Variants in RAPGEF2 observed in about 807,000 individuals in gnomAD.
RAPGEF2 encodes the protein PDZ domain containing guanine nucleotide exchange factor (GEF) 1.
RAPGEF2 carries 54 observed loss-of-function variants against 186.7 expected under a neutral mutation model. The ratio of observed to expected loss-of-function variants is 0.29; its 90% CI spans 0.23 to 0.36. RAPGEF2 has a LOEUF of 0.36. Among genes scored for constraint, RAPGEF2 ranks in the 10% least tolerant of loss-of-function variants. The pLI, the probability that RAPGEF2 is intolerant of heterozygous loss-of-function variation, is 1.00. For synonymous variants in RAPGEF2, 712 were observed against 705.9 expected (o/e 1.01, Z -0.14); for missense variants, 1,532 against 2,045.0 (o/e 0.75, Z 4.84).
intron 7 of RAPGEF2, among the ~76,000 whole-genome samples, chr4:159,257,588 A>G (rs1483929479): frequency 2.0e-5 from 3 of 152,206 alleles, no homozygotes; most frequent in Admixed American, 6.5e-5. Flanking sequence ...TCTTTAATCT[A>G]TCTTGAGTTA....
At chr4:159,208,883 C>T (rs1365896599) in intron 3 of RAPGEF2, among the ~76,000 whole-genome samples, 1 of 150,622 alleles carries the variant, frequency 6.6e-6, no homozygotes, top group Non-Finnish European at 1.5e-5. Flanking sequence ...AAAAAGAAAT[C>T]TCACAATTTT....
At chr4:159,178,137 A>T (rs1415471148) in intron 1 of RAPGEF2, among the ~76,000 whole-genome samples, 1 of 152,218 alleles carries the variant, frequency 6.6e-6, no homozygotes, top group Admixed American at 6.5e-5. Flanking sequence ...TTAAATATGT[A>T]GGTTCATATA....
At chr4:159,138,903 C>T (rs906907778) in intron 1 of RAPGEF2, among the ~76,000 whole-genome samples, 9 of 152,088 alleles carry the variant, frequency 5.9e-5, no homozygotes, top group East Asian at 1.9e-4. Context: ...TTAACTACCA[C>T]GTGAAGGAAA....
At chr4:159,242,985 A>G (rs1754186231) in intron 6 of RAPGEF2, among the ~76,000 whole-genome samples, 1 of 151,862 alleles carries the variant, frequency 6.6e-6, no homozygotes, top group African/African-American at 2.4e-5. Context: ...TGGGTGGGCC[A>G]TTTAATAACT....
chr4:159,305,147 G>T (rs941717659), intron 8 of RAPGEF2, among the ~76,000 whole-genome samples: 1 of 152,152 alleles, frequency 6.6e-6, no homozygotes, highest in African/African-American at 2.4e-5. Flanking sequence ...ACATACAGGT[G>T]CAGGTATCTT....
chr4:159,148,271 C>A (rs1382477681), intron 1 of RAPGEF2, among the ~76,000 whole-genome samples: 1 of 152,068 alleles, frequency 6.6e-6, no homozygotes, highest in Admixed American at 6.5e-5. Flanking sequence ...GTTTTATTGA[C>A]CCTGAGTGCC....
At chr4:159,116,025 G>C (rs528265181) in intron 1 of RAPGEF2, among the ~76,000 whole-genome samples, 3 of 152,086 alleles carry the variant, frequency 2.0e-5, no homozygotes, top group East Asian at 1.9e-4. Context: ...ACATAGGCAC[G>C]GGCAAAGATT....
intron 1 of RAPGEF2, among the ~76,000 whole-genome samples, chr4:159,146,032 C>CT (rs796872300): frequency 0.011 from 1,595 of 150,084 alleles, 27 homozygotes; most frequent in African/African-American, 0.035. Flanking sequence ...GTAACAGTAT[C>CT]TTTTTTTTTT....
At chr4:159,291,436 C>T (rs1761200729) in intron 7 of RAPGEF2, among the ~76,000 whole-genome samples, 1 of 152,186 alleles carries the variant, frequency 6.6e-6, no homozygotes, top group African/African-American at 2.4e-5. Flanking sequence ...GCTGGGACTA[C>T]AGACGTGTGT....
At chr4:159,177,335 T>C (rs1446448091) in intron 1 of RAPGEF2, among the ~76,000 whole-genome samples, 1 of 152,358 alleles carries the variant, frequency 6.6e-6, no homozygotes, top group African/African-American at 2.4e-5. Flanking sequence ...TTACTTGTGC[T>C]TTTATTCAGA....
chr4:159,129,374 G>A (rs1350495788), intron 1 of RAPGEF2, among the ~76,000 whole-genome samples: 3 of 152,260 alleles, frequency 2.0e-5, no homozygotes, highest in South Asian at 2.1e-4. Flanking sequence ...AATGCTTACA[G>A]TTATGGTGTC....
chr4:159,221,012 G>T (rs972768898), intron 4 of RAPGEF2, among the ~76,000 whole-genome samples: 1 of 152,206 alleles, frequency 6.6e-6, no homozygotes, highest in Non-Finnish European at 1.5e-5. Context: ...GTAATGGAAG[G>T]AGGAGTCTGG....
intron 7 of RAPGEF2, among the ~76,000 whole-genome samples, chr4:159,302,459 C>G (rs968162157): frequency 4.6e-5 from 7 of 152,276 alleles, no homozygotes; most frequent in African/African-American, 1.7e-4. Flanking sequence ...TTTAACATCT[C>G]TAAGCCATAG....
chr4:159,110,642 A>T (rs1738395448), intron 1 of RAPGEF2, among the ~76,000 whole-genome samples: 1 of 152,202 alleles, frequency 6.6e-6, no homozygotes, highest in South Asian at 2.1e-4. Flanking sequence ...ATCTGTAATG[A>T]TAATGTGATT....
chr4:159,183,889 C>G (rs577973264), intron 1 of RAPGEF2, among the ~76,000 whole-genome samples: 3 of 152,180 alleles, frequency 2.0e-5, no homozygotes, highest in African/African-American at 4.8e-5. Context: ...TATCCCTCCC[C>G]CCTCCTCTCA....
chr4:159,221,490 T>A (rs1195623931), intron 4 of RAPGEF2, among the ~76,000 whole-genome samples: 1 of 152,228 alleles, frequency 6.6e-6, no homozygotes, highest in African/African-American at 2.4e-5. Context: ...ATGTGGCTAC[T>A]TCAGGCCACC....
chr4:159,239,699 A>C (rs1308410050), intron 5 of RAPGEF2, among the ~76,000 whole-genome samples: 1 of 152,212 alleles, frequency 6.6e-6, no homozygotes, highest in African/African-American at 2.4e-5. Flanking sequence ...AGTAACAAAA[A>C]TAAGATGAGG....
At chr4:159,241,433 T>C (rs1753978590) in intron 6 of RAPGEF2, 65 bp downstream of exon 6, 7 of 1,095,714 alleles carry the variant, frequency 6.4e-6, no homozygotes, top group Non-Finnish European at 8.2e-6. Context: ...TGTGAAAAGA[T>C]GTTTAAGTTT....
At chr4:159,165,456 T>C (rs1237146892) in intron 1 of RAPGEF2, among the ~76,000 whole-genome samples, 3 of 152,204 alleles carry the variant, frequency 2.0e-5, no homozygotes, top group Non-Finnish European at 4.4e-5. Flanking sequence ...TCTATATATC[T>C]CTATCTGTAT....
Sources: allele counts gnomAD v4.1 joint callset (sites outside exome capture counted in the v4.1 genomes callset), GRCh38; gene constraint gnomAD v4.1.1; transcripts MANE v1.5; gene names NCBI Gene and HGNC (gene_info 2026-07-23, HGNC 2026-07-21).